The following EFR3A variants were observed in gnomAD, a reference collection of about 807,000 sequenced individuals.
EFR3A encodes EFR3 homolog A, also known as protein EFR3 homolog A.
EFR3A carries 76 observed loss-of-function variants against 104.4 expected under a neutral mutation model. That is an observed-to-expected ratio of 0.73 (90% CI 0.60 to 0.88). The LOEUF (loss-of-function observed/expected upper bound fraction) is 0.88, where lower values mean the gene tolerates loss of function less well. EFR3A is among the 40% of genes least tolerant of loss of function. The pLI, the probability that EFR3A is intolerant of heterozygous loss-of-function variation, is 0.00. For synonymous variants in EFR3A, 330 were observed against 330.0 expected (o/e 1.00, Z 0.00); for missense variants, 985 against 1,012.5 (o/e 0.97, Z 0.37).
rs765418098 is a variant in EFR3A at position 132,002,640 on chromosome 8, G to A, written c.2244G>A (p.Arg748=). ...SGMEEQEKEK[R]RLVIEKFQKA... Reference sequence around the variant, plus strand: ...TGGAAGAACAGGAAAAGGAAAAGAGGCGTCTTGTGATAGAGAAATTTCAGA... The same window carrying A: ...TGGAAGAACAGGAAAAGGAAAAGAGACGTCTTGTGATAGAGAAATTTCAGA... The change falls in exon 21 of 23, where the codon AGG becomes AGA. Residue 748 remains arginine (R), a synonymous_variant. Transcript: ENST00000254624. 7 of 1,613,630 alleles carry A rather than the reference G, an allele frequency of 4.3e-6. No individual in the cohort carries two copies. In the East Asian group the frequency reaches 1.6e-4, roughly 36 times the overall value.
At chr8:131,969,693 G>T (rs929643916) in intron 9 of EFR3A, among the ~76,000 whole-genome samples, 3 of 151,850 alleles carry the variant, frequency 2.0e-5, no homozygotes, top group Non-Finnish European at 4.4e-5. Flanking sequence ...GTTTTATCTT[G>T]TAACTTGAAG....
chr8:131,958,160 T>A (rs1286366866), intron 7 of EFR3A, among the ~76,000 whole-genome samples: 1 of 152,172 alleles, frequency 6.6e-6, no homozygotes, highest in Non-Finnish European at 1.5e-5. Flanking sequence ...ATAAAGTTTA[T>A]TTTTCTGCCT....
intron 2 of EFR3A, among the ~76,000 whole-genome samples, chr8:131,944,469 A>G (rs887186506): frequency 7.9e-5 from 12 of 152,206 alleles, no homozygotes; most frequent in Middle Eastern, 3.4e-3. Flanking sequence ...TTCCCTATAT[A>G]CTACAGATAA....
intron 22 of EFR3A, among the ~76,000 whole-genome samples, chr8:132,004,937 A>G (rs1470669805): frequency 6.6e-6 from 1 of 152,248 alleles, no homozygotes; most frequent in Non-Finnish European, 1.5e-5. Context: ...TATGAATTTA[A>G]TATTTTAGAA....
chr8:131,956,855 T>A (rs1383460887), intron 7 of EFR3A, among the ~76,000 whole-genome samples: 1 of 152,172 alleles, frequency 6.6e-6, no homozygotes, highest in Non-Finnish European at 1.5e-5. Context: ...TACTAAAAAT[T>A]AATCAGAATT....
At chr8:131,966,033 G>A (rs1430107802) in intron 8 of EFR3A, among the ~76,000 whole-genome samples, 1 of 152,082 alleles carries the variant, frequency 6.6e-6, no homozygotes, top group African/African-American at 2.4e-5. Context: ...GACACAGGAA[G>A]GGGAACATCA....
At chr8:131,975,998 T>A (rs150826588) in intron 10 of EFR3A, 29 bp from the exon 11 acceptor site, 1 of 1,380,360 alleles carries the variant, frequency 7.2e-7, no homozygotes, top group South Asian at 1.3e-5. Context: ...CTTTTTCAGT[T>A]TCTAAAATTT....
chr8:132,003,630 G>C (rs991641224), intron 22 of EFR3A, among the ~76,000 whole-genome samples: 25 of 152,238 alleles, frequency 1.6e-4, no homozygotes, highest in African/African-American at 6.0e-4. Flanking sequence ...GAATCGTTTT[G>C]TCCTGCAGAA....
At chr8:131,976,568 GT>G (rs1369778981) in intron 11 of EFR3A, among the ~76,000 whole-genome samples, 1 of 152,200 alleles carries the variant, frequency 6.6e-6, no homozygotes, top group East Asian at 1.9e-4. Context: ...ATATGCTGAA[GT>G]TTTTGTTTGT....
intron 11 of EFR3A, 81 bp downstream of exon 11, chr8:131,976,222 G>T: frequency 4.4e-6 from 4 of 913,848 alleles, no homozygotes; most frequent in Admixed American, 2.8e-5. Context: ...TTAACGTTTT[G>T]TTTTTTTTTA....
chr8:131,916,728 G>A (rs1816759906), intron 1 of EFR3A, among the ~76,000 whole-genome samples: 1 of 152,158 alleles, frequency 6.6e-6, no homozygotes, highest in African/African-American at 2.4e-5. Context: ...AGTTATGCAA[G>A]ACTCAAATGA....
intron 1 of EFR3A, among the ~76,000 whole-genome samples, chr8:131,923,720 G>A (rs1817164898): frequency 6.6e-6 from 1 of 152,018 alleles, no homozygotes; most frequent in Admixed American, 6.6e-5. Context: ...AATGAGAAAA[G>A]TTAGGAACCA....
chr8:131,914,333 C>T (rs1816652003), intron 1 of EFR3A, among the ~76,000 whole-genome samples: 1 of 152,188 alleles, frequency 6.6e-6, no homozygotes, highest in South Asian at 2.1e-4. Context: ...CATCTTGCTT[C>T]TTTGTTTGGT....
At chr8:131,916,592 G>T (rs961807931) in intron 1 of EFR3A, among the ~76,000 whole-genome samples, 15 of 152,344 alleles carry the variant, frequency 9.8e-5, no homozygotes, top group African/African-American at 3.6e-4. Flanking sequence ...AGAGGCTAAA[G>T]AAGCTGAGGG....
At chr8:131,946,859 A>G (rs1242247960) in intron 4 of EFR3A, among the ~76,000 whole-genome samples, 2 of 152,098 alleles carry the variant, frequency 1.3e-5, no homozygotes, top group African/African-American at 2.4e-5. Flanking sequence ...ATGTAAATGA[A>G]TGCATACTTG....
At chr8:131,925,826 C>T (rs1223913776) in intron 1 of EFR3A, among the ~76,000 whole-genome samples, 2 of 152,094 alleles carry the variant, frequency 1.3e-5, no homozygotes, top group Non-Finnish European at 2.9e-5. Flanking sequence ...TGTTTTCCTT[C>T]ACAGTTGTTA....
chr8:131,970,851 A>G (rs532960435), intron 10 of EFR3A, among the ~76,000 whole-genome samples: 4 of 152,258 alleles, frequency 2.6e-5, no homozygotes, highest in Admixed American at 6.5e-5. Context: ...AAATTCATCT[A>G]TTGTTGACAT....
At chr8:131,977,206 A>G in intron 12 of EFR3A, 114 bp downstream of exon 12, 1 of 680,708 alleles carries the variant, frequency 1.5e-6, no homozygotes. Flanking sequence ...GTTTATGGTT[A>G]GTATTTTATT....
At chr8:131,967,184 A>T (rs1232761993) in intron 8 of EFR3A, among the ~76,000 whole-genome samples, 2 of 152,208 alleles carry the variant, frequency 1.3e-5, no homozygotes, top group African/African-American at 2.4e-5. Context: ...ATTTTAACAT[A>T]ACTTTAAATG....
Sources: gnomAD v4.1 joint callset for allele counts (sites outside exome capture counted in the v4.1 genomes callset) on GRCh38, gnomAD v4.1.1 for gene constraint, MANE v1.5 for transcripts, NCBI Gene and HGNC (gene_info 2026-07-23, HGNC 2026-07-21) for gene names.